The following ST8SIA1 variants were observed in gnomAD, a reference collection of about 807,000 sequenced individuals.
ST8SIA1 encodes the protein alpha-N-acetylneuraminide alpha-2,8-sialyltransferase.
In ST8SIA1, 16 loss-of-function variants were observed where a neutral mutation model predicts 35.9. The ratio of observed to expected loss-of-function variants is 0.45; its 90% CI spans 0.30 to 0.68. The LOEUF is 0.68. Ranked by LOEUF, ST8SIA1 falls within the 30% of genes least tolerant of loss-of-function variation. The pLI, the probability that ST8SIA1 is intolerant of heterozygous loss-of-function variation, is 0.09. For missense variants in ST8SIA1, 383 were observed against 453.6 expected (o/e 0.84, Z 1.41); for synonymous variants, 170 against 169.6 (o/e 1.00, Z -0.02).
At position 22,219,245 on chromosome 12, in the gene ST8SIA1, CTG is replaced by C. The variant is rs1486152831; in HGVS notation, c.585-17209_585-17208del. Among the ~76,000 whole-genome samples the C allele has an allele frequency of 4.6e-5, 7 of 152,076 alleles. No homozygotes were observed. The East Asian group carries it at 5.8e-4, about 13-fold the overall frequency. On this transcript the variant is annotated intron_variant, in intron 4 of 4. Coordinates refer to ENST00000396037, the MANE Select transcript of ST8SIA1 (RefSeq NM_003034.4). ...TAACATACCACAAATGTAAATTACA[CTG>C]TGTTTTAATTTTATTATATTTCTAT...
rs113676087 is a variant in ST8SIA1 at position 22,224,461 on chromosome 12, C to T, written c.585-22423G>A. Among the ~76,000 whole-genome samples the T allele has an allele frequency of 3.4e-3, 511 of 152,090 alleles. 6 individuals are homozygous for T. The highest frequency in any genetic ancestry group is 0.012 in the African/African-American group (483 of 41,488). On this transcript the variant is annotated intron_variant, in intron 4 of 4. Coordinates refer to ENST00000396037, the MANE Select transcript of ST8SIA1 (RefSeq NM_003034.4). The stretch of plus-strand genomic sequence containing the variant: ...AGTAGCTGGGATTACAGATGCACAC[C>T]ACCAGGCCTGGCTCATTTTTGTATT...
chr12:22,281,819 CAAAA>C (rs11423875), intron 2 of ST8SIA1, among the ~76,000 whole-genome samples: 1 of 102,988 alleles, frequency 9.7e-6, no homozygotes, highest in African/African-American at 3.5e-5. Flanking sequence ...CTTGTCTCTA[CAAAA>C]AAAAAAAAAA....
intron 3 of ST8SIA1, among the ~76,000 whole-genome samples, chr12:22,253,993 C>T (rs971269947): frequency 3.9e-5 from 6 of 152,170 alleles, no homozygotes; most frequent in Non-Finnish European, 8.8e-5. Context: ...ATCTTCTTGG[C>T]TACCTTTTTT....
In ST8SIA1 at chr12:22,334,520, G is replaced by A. The variant is rs1462739088; in HGVS notation, c.-288C>T. The A allele has an allele frequency of 8.2e-6, 4 of 485,590 alleles. No homozygotes were observed. Among genetic ancestry groups the A allele is most frequent in the South Asian group, 2.6e-5 (1 of 38,350 alleles). 30.1% of individuals were successfully genotyped at this position (485,590 alleles called of 1,614,324 possible). A position where few individuals can be genotyped will look rare whatever the true frequency, so the allele number is the denominator to read the frequency against. ...GCAGAAGGCGGGCGCTGGGGTCTCC[G>A]AGTGCGCAGAGAGCGGCGGCGGCGA... On this transcript the variant is annotated 5_prime_UTR_variant, in exon 1 of 5. Transcript: ENST00000396037.
At position 22,201,664 on chromosome 12, in the gene ST8SIA1, C is replaced by T; in HGVS notation, c.959G>A (p.Gly320Asp). The change falls in exon 5 of 5, where the codon GGC becomes GAC. Residue 320 changes from glycine (G) to aspartate (D), a missense_variant. Physicochemically the swap from Gly to Asp is moderately conservative, Grantham distance 94. Coordinates refer to ENST00000396037, the MANE Select transcript of ST8SIA1 (RefSeq NM_003034.4). ...AAATTCCTCGGGCATGGCATGGAAG[C>T]CAGAAAAGGGTAAGACGTTGTCATA... ...HYYDNVLPFS[G>D]FHAMPEEFLQ... The T allele has an allele frequency of 1.2e-6, 2 of 1,614,090 alleles. No individual in the cohort carries two copies. Among genetic ancestry groups the T allele is most frequent in the Non-Finnish European group, 1.7e-6 (2 of 1,179,972 alleles).
At chr12:22,248,786 C>T (rs1207003321) in intron 4 of ST8SIA1, 1 of 484,388 alleles carries the variant, frequency 2.1e-6, no homozygotes, top group East Asian at 3.3e-5. Flanking sequence ...TTTCTATCAT[C>T]TCTAAAGGCA....
intron 2 of ST8SIA1, among the ~76,000 whole-genome samples, chr12:22,274,999 T>C (rs749047413): frequency 6.6e-6 from 1 of 152,192 alleles, no homozygotes; most frequent in African/African-American, 2.4e-5. Context: ...TTCAGTTGTA[T>C]TAAGAGAGAT....
intron 1 of ST8SIA1, among the ~76,000 whole-genome samples, chr12:22,293,443 T>C (rs1866204239): frequency 6.6e-6 from 1 of 152,260 alleles, no homozygotes; most frequent in African/African-American, 2.4e-5. Flanking sequence ...CCAAAATGTG[T>C]ATCTAATGCA....
intron 1 of ST8SIA1, among the ~76,000 whole-genome samples, chr12:22,312,157 T>G (rs1015777566): frequency 6.6e-6 from 1 of 152,244 alleles, no homozygotes; most frequent in South Asian, 2.1e-4. Context: ...AATAAACGTA[T>G]AAACTAACCA....
At chr12:22,295,189 T>C (rs959743362) in intron 1 of ST8SIA1, among the ~76,000 whole-genome samples, 1 of 152,128 alleles carries the variant, frequency 6.6e-6, no homozygotes, top group Non-Finnish European at 1.5e-5. Context: ...ACAGGGTGGC[T>C]AAGTCAGTCC....
rs1319031418 is a variant in ST8SIA1, at chr12:22,201,798, T to C, written c.825A>G (p.Thr275=). ...SRGIHAKRLS[T]GLFLVSAALG... ...GAGCTGCGCTCACCAGAAAAAGTCC[T>C]GTGGACAGGCGCTTGGCATGGATTC... Residue 275 remains threonine, a synonymous_variant, in exon 5 of 5, where the codon ACA becomes ACG. Transcript: ENST00000396037. 1.2e-6 allele frequency: 2 copies of C among 1,614,162 alleles called. No homozygotes were observed. Among genetic ancestry groups the C allele is most frequent in the Non-Finnish European group, 1.7e-6 (2 of 1,180,000 alleles).
intron 2 of ST8SIA1, among the ~76,000 whole-genome samples, chr12:22,283,084 AG>A (rs1290321345): frequency 6.6e-6 from 1 of 152,180 alleles, no homozygotes; most frequent in African/African-American, 2.4e-5. Flanking sequence ...AGAACGCTGC[AG>A]GTCCAGGCTC....
chr12:22,222,836 G>A (rs1369599371), intron 4 of ST8SIA1, among the ~76,000 whole-genome samples: 2 of 151,842 alleles, frequency 1.3e-5, no homozygotes, highest in Non-Finnish European at 2.9e-5. Flanking sequence ...TTACCCAAGA[G>A]AAACACATAA....
chr12:22,259,759 C>T (rs1865767833), intron 2 of ST8SIA1, among the ~76,000 whole-genome samples: 1 of 152,170 alleles, frequency 6.6e-6, no homozygotes. Flanking sequence ...AGCCACCGCG[C>T]CCGGCCAAAA....
rs528457062 is a variant in ST8SIA1, at chr12:22,255,868, C to T, written c.382-479G>A. Among the ~76,000 whole-genome samples, 4 of 152,228 alleles carry T rather than the reference C, an allele frequency of 2.6e-5. No homozygotes were observed. In the East Asian group the frequency reaches 7.7e-4, roughly 29 times the overall value. Reference sequence around the variant, plus strand: ...GGGAGAGATACATGTGGACAGAAGTCACAGGCCTGAGGGTTCACAATTTGG... The same window carrying T: ...GGGAGAGATACATGTGGACAGAAGTTACAGGCCTGAGGGTTCACAATTTGG... On this transcript the variant is annotated intron_variant, in intron 2 of 4. Transcript: ENST00000396037.
intron 1 of ST8SIA1, among the ~76,000 whole-genome samples, chr12:22,333,261 C>T (rs1866792460): frequency 6.6e-6 from 1 of 152,200 alleles, no homozygotes; most frequent in African/African-American, 2.4e-5. Context: ...CAGAGGCATC[C>T]ACAGCCTAAG....
Position 22,195,412 on chromosome 12 carries a change from TTC to T in ST8SIA1, c.*6138_*6139del, listed in dbSNP as rs1312505247. 1.3e-5 allele frequency: 2 copies of T among 152,158 alleles called. No homozygotes were observed. The highest frequency in any genetic ancestry group is 6.5e-5 in the Admixed American group (1 of 15,278). The allele number at this position is 152,158 out of a possible 1,614,324, so 9.4% of individuals were successfully genotyped here. ...GTCACACTGCTTCCTCTAGCATCTT[TTC>T]TCTCTTTTTTTTTCTGTTTGTTGTT... is the stretch of plus-strand genomic sequence containing the variant. On this transcript the variant is annotated 3_prime_UTR_variant, in exon 5 of 5. Coordinates refer to ENST00000396037, the MANE Select transcript of ST8SIA1 (RefSeq NM_003034.4).
chr12:22,249,534 GT>G (rs746437115), intron 3 of ST8SIA1, among the ~76,000 whole-genome samples: 1 of 108,500 alleles, frequency 9.2e-6, no homozygotes, highest in Non-Finnish European at 2.5e-5. Context: ...ACTGTTTTTT[GT>G]TTTGTTTTGT....
intron 4 of ST8SIA1, among the ~76,000 whole-genome samples, chr12:22,248,322 T>TG (rs906828433): frequency 8.0e-6 from 1 of 125,558 alleles, no homozygotes; most frequent in African/African-American, 3.1e-5. Flanking sequence ...GGAGACGGAC[T>TG]CCTTCTCTAC....
Sources: allele counts gnomAD v4.1 joint callset (sites outside exome capture counted in the v4.1 genomes callset), GRCh38; gene constraint gnomAD v4.1.1; transcripts MANE v1.5; gene names NCBI Gene and HGNC (gene_info 2026-07-23, HGNC 2026-07-21).